The following CDH8 variants were observed in gnomAD, a reference collection of about 807,000 sequenced individuals.
CDH8 encodes cadherin 8, also known as cadherin-8.
A neutral mutation model predicts 68.1 loss-of-function variants in CDH8; 17 were observed. The observed-to-expected ratio is 0.25, with a 90% CI of 0.17 to 0.37. The LOEUF (loss-of-function observed/expected upper bound fraction) is 0.37, where lower values mean the gene tolerates loss of function less well. CDH8 is among the 10% of genes least tolerant of loss of function. CDH8 has a pLI of 1.00. For missense variants in CDH8, 763 were observed against 999.3 expected (o/e 0.76, Z 3.19); for synonymous variants, 372 against 365.1 (o/e 1.02, Z -0.21).
chr16:61,948,298 T>G (rs954015), intron 2 of CDH8, among the ~76,000 whole-genome samples: 50,818 of 152,038 alleles, frequency 0.33, 9,006 homozygotes, highest in African/African-American at 0.43. Flanking sequence ...GTCGGGTATA[T>G]TTTAAAAAAT....
intron 2 of CDH8, among the ~76,000 whole-genome samples, chr16:61,930,932 C>A (rs932849736): frequency 3.9e-5 from 6 of 152,122 alleles, no homozygotes; most frequent in Admixed American, 2.0e-4. Flanking sequence ...AGATAAAATG[C>A]AAGCTTTCAA....
intron 4 of CDH8, among the ~76,000 whole-genome samples, chr16:61,849,462 C>G (rs2143011947): frequency 6.6e-6 from 1 of 152,230 alleles, no homozygotes. Flanking sequence ...CTGTGCTATG[C>G]CAAGAGGCTT....
intron 2 of CDH8, among the ~76,000 whole-genome samples, chr16:61,922,546 T>C (rs933983437): frequency 6.6e-6 from 1 of 152,192 alleles, no homozygotes; most frequent in African/African-American, 2.4e-5. Flanking sequence ...GATAATGACA[T>C]GCCAATTTTA....
chr16:61,942,496 T>C (rs1053257538), intron 2 of CDH8, among the ~76,000 whole-genome samples: 3 of 152,026 alleles, frequency 2.0e-5, no homozygotes, highest in Non-Finnish European at 4.4e-5. Context: ...AGAGTGAGAC[T>C]GCCTCTAAAA....
chr16:62,033,026 C>A (rs1311307307), intron 1 of CDH8, among the ~76,000 whole-genome samples: 1 of 152,158 alleles, frequency 6.6e-6, no homozygotes, highest in Non-Finnish European at 1.5e-5. Context: ...TGAATAGAAT[C>A]ATTATATTCT....
chr16:61,997,667 C>G (rs1202229536), intron 2 of CDH8, among the ~76,000 whole-genome samples: 1 of 152,088 alleles, frequency 6.6e-6, no homozygotes, highest in Non-Finnish European at 1.5e-5. Flanking sequence ...CCATCTCAAC[C>G]AGGTAAGCAA....
At chr16:61,693,616 C>T (rs533852615) in intron 10 of CDH8, 1 of 152,144 alleles carries the variant, frequency 6.6e-6, no homozygotes, top group East Asian at 1.9e-4. Flanking sequence ...ACAGTAAAAT[C>T]TTGTTGTTGT....
intron 2 of CDH8, among the ~76,000 whole-genome samples, chr16:61,941,456 G>A (rs1305310067): frequency 6.6e-6 from 1 of 151,864 alleles, no homozygotes; most frequent in Admixed American, 6.6e-5. Context: ...GTTTTGTTTT[G>A]TTTGAAACAG....
intron 2 of CDH8, among the ~76,000 whole-genome samples, chr16:61,943,305 C>A (rs563319055): frequency 1.3e-5 from 2 of 152,158 alleles, no homozygotes; most frequent in African/African-American, 4.8e-5. Context: ...AAGAGTGGCT[C>A]ACTAACATTA....
Position 62,016,997 on chromosome 16 carries a change from G to T in CDH8, c.252+4155C>A, listed in dbSNP as rs555629528. ...ATAAAAAAAATTGTTAACTACCCAG[G>T]TGGTCTATAAAATACTCATATGAAA... is the stretch of plus-strand genomic sequence containing the variant. On this transcript the variant is annotated intron_variant, in intron 2 of 11. Coordinates refer to ENST00000577390, the MANE Select transcript of CDH8 (RefSeq NM_001796.5). Among the ~76,000 whole-genome samples the T allele has an allele frequency of 8.5e-5, 13 of 152,244 alleles. No homozygotes were observed. In the South Asian group the frequency reaches 1.5e-3, roughly 17 times the overall value.
chr16:61,931,775 T>C (rs889532708), intron 2 of CDH8, among the ~76,000 whole-genome samples: 20 of 152,144 alleles, frequency 1.3e-4, no homozygotes, highest in African/African-American at 4.8e-4. Flanking sequence ...AGACGTACCC[T>C]TAAAACATCT....
intron 2 of CDH8, among the ~76,000 whole-genome samples, chr16:61,914,882 C>T (rs1179479582): frequency 1.3e-5 from 2 of 152,076 alleles, no homozygotes; most frequent in Admixed American, 1.3e-4. Context: ...ATCTTGGTCC[C>T]GTGAGACCTG....
intron 8 of CDH8, among the ~76,000 whole-genome samples, chr16:61,752,669 A>C (rs569122628): frequency 6.6e-6 from 1 of 152,306 alleles, no homozygotes; most frequent in African/African-American, 2.4e-5. Flanking sequence ...ATTATAAGTA[A>C]GTGATTAAAA....
intron 10 of CDH8, among the ~76,000 whole-genome samples, chr16:61,685,831 G>T (rs1438568370): frequency 1.3e-5 from 2 of 151,868 alleles, no homozygotes; most frequent in African/African-American, 4.8e-5. Flanking sequence ...TCAGGTTTTA[G>T]GGCAGAATCA....
intron 8 of CDH8, among the ~76,000 whole-genome samples, chr16:61,757,136 G>C (rs557296676): frequency 6.6e-6 from 1 of 152,092 alleles, no homozygotes; most frequent in Non-Finnish European, 1.5e-5. Context: ...TTCTTGGTTT[G>C]CAGAGAAAAA....
At chr16:61,861,279 C>T (rs180990042) in intron 3 of CDH8, among the ~76,000 whole-genome samples, 17 of 152,266 alleles carry the variant, frequency 1.1e-4, no homozygotes, top group Admixed American at 1.0e-3. Flanking sequence ...ATCCATTCTC[C>T]CTAGAGACAC....
chr16:61,706,043 G>T (rs963685422), intron 10 of CDH8, among the ~76,000 whole-genome samples: 1 of 152,106 alleles, frequency 6.6e-6, no homozygotes, highest in African/African-American at 2.4e-5. Flanking sequence ...TTGAATGAAT[G>T]AATAAGGGAA....
intron 3 of CDH8, among the ~76,000 whole-genome samples, chr16:61,867,419 T>C (rs1963277453): frequency 6.6e-6 from 1 of 152,078 alleles, no homozygotes; most frequent in South Asian, 2.1e-4. Flanking sequence ...AATGATGTGA[T>C]CAAATGCAGT....
intron 10 of CDH8, among the ~76,000 whole-genome samples, chr16:61,664,747 C>T (rs1438454420): frequency 6.6e-6 from 1 of 151,820 alleles, no homozygotes; most frequent in Non-Finnish European, 1.5e-5. Flanking sequence ...ATTGAGAATA[C>T]CATCATGTTA....
Sources: gnomAD v4.1 joint callset for allele counts (sites outside exome capture counted in the v4.1 genomes callset) on GRCh38, gnomAD v4.1.1 for gene constraint, MANE v1.5 for transcripts, NCBI Gene and HGNC (gene_info 2026-07-23, HGNC 2026-07-21) for gene names.